Variants in TUT7 observed in about 807,000 individuals in gnomAD.
TUT7 encodes terminal uridylyl transferase 7, also known as terminal uridylyltransferase 7.
Under a neutral mutation model 165.9 loss-of-function variants are expected in TUT7, and 33 were observed. The observed-to-expected ratio is 0.20, with a 90% CI of 0.15 to 0.27. The LOEUF is 0.27. Among genes scored for constraint, TUT7 ranks in the 10% least tolerant of loss-of-function variants. TUT7 has a pLI of 1.00. For synonymous variants in TUT7, 552 were observed against 608.1 expected, an observed-to-expected ratio of 0.91 and a Z score of 1.36; for missense variants, 1,338 against 1,762.3, an observed-to-expected ratio of 0.76 and a Z score of 4.31.
At chr9:86,337,288 T>G (rs916502222) in intron 10 of TUT7, 131 bp downstream of exon 10, 1 of 1,027,198 alleles carries the variant, frequency 9.7e-7, no homozygotes, top group East Asian at 2.5e-5. Flanking sequence ...GGTATGAATA[T>G]TCACATGAGT....
intron 2 of TUT7, among the ~76,000 whole-genome samples, chr9:86,352,223 A>G (rs1352167106): frequency 6.6e-6 from 1 of 152,188 alleles, no homozygotes; most frequent in African/African-American, 2.4e-5. Flanking sequence ...AGATATACGC[A>G]GTGTATACTG....
chr9:86,344,877 C>T (rs771550833), intron 5 of TUT7, 100 bp downstream of exon 5: 4 of 1,155,130 alleles, frequency 3.5e-6, no homozygotes, highest in Admixed American at 2.9e-5. Flanking sequence ...AGCTTCATGA[C>T]ATGGTAAATA....
intron 25 of TUT7, 117 bp from the exon 26 acceptor site, chr9:86,301,718 T>C: frequency 6.7e-7 from 1 of 1,491,738 alleles, no homozygotes; most frequent in Admixed American, 2.4e-5. Flanking sequence ...GAATAGAAAG[T>C]ATTAAAAGGA....
intron 13 of TUT7, 36 bp downstream of exon 13, chr9:86,322,837 T>C: frequency 1.3e-6 from 2 of 1,529,264 alleles, no homozygotes; most frequent in Non-Finnish European, 1.7e-6. Flanking sequence ...GTCCTTAAAG[T>C]CTCCTAGTTC....
chr9:86,301,766 A>C (rs1260299944), intron 25 of TUT7, 165 bp from the exon 26 acceptor site: 1 of 985,284 alleles, frequency 1.0e-6, no homozygotes, highest in African/African-American at 1.7e-5. Flanking sequence ...CTTCTCTGTT[A>C]AGATGCTCCC....
At chr9:86,317,315 G>T (rs1374909406) in intron 16 of TUT7, 39 bp from the exon 17 acceptor site, 1 of 1,547,062 alleles carries the variant, frequency 6.5e-7, no homozygotes, top group Non-Finnish European at 8.9e-7. Context: ...ACCAAAACTG[G>T]AAGACAGGTT....
chr9:86,335,248 G>A (rs984478998), intron 10 of TUT7, among the ~76,000 whole-genome samples: 4 of 152,290 alleles, frequency 2.6e-5, no homozygotes, highest in South Asian at 4.1e-4. Flanking sequence ...GAGTCCCAGT[G>A]CTGGTAAACT....
At position 86,308,706 on chromosome 9, in the gene TUT7, TTAAC is replaced by T. The variant is rs1164963766; in HGVS notation, c.3661-104_3661-101del. 3.0e-6 allele frequency: 3 copies of T among 1,008,336 alleles called. No individual in the cohort carries two copies. The African/African-American group carries it at 5.0e-5, about 17-fold the overall frequency. 62.5% of individuals were successfully genotyped at this position (1,008,336 alleles called of 1,614,324 possible). ...GGAGTAAATTTGGATTTATTTCTAATTAACTAGAGCTCAATTATGCAACTTTTCT... is the reference window on the plus strand; with the variant it reads ...GGAGTAAATTTGGATTTATTTCTAATTAGAGCTCAATTATGCAACTTTTCT... On this transcript the variant is annotated intron_variant, in intron 21 of 26. Coordinates refer to ENST00000375963, the MANE Select transcript of TUT7 (RefSeq NM_024617.4).
intron 26 of TUT7, among the ~76,000 whole-genome samples, chr9:86,291,297 C>T (rs1825875938): frequency 6.6e-6 from 1 of 151,940 alleles, no homozygotes; most frequent in South Asian, 2.1e-4. Flanking sequence ...GGCCAATAAA[C>T]ATGTAAAAAG....
At position 86,344,504 on chromosome 9, in the gene TUT7, C is replaced by T. The variant is rs142521131; in HGVS notation, c.997+473G>A. On this transcript the variant is annotated intron_variant, in intron 5 of 26. Transcript: ENST00000375963. ...CTTGGAAAATCAATTCAACAGTGCA[C>T]AAAATCCAATACAAATTTCTTAAAA... Among the ~76,000 whole-genome samples the T allele has an allele frequency of 5.9e-3, 900 of 151,474 alleles. 20 individuals are homozygous for T. Among genetic ancestry groups the T allele is most frequent in the East Asian group, 0.051 (261 of 5,162 alleles).
chr9:86,303,988 TA>T (rs746517070), intron 24 of TUT7, among the ~76,000 whole-genome samples: 9 of 152,110 alleles, frequency 5.9e-5, no homozygotes, highest in Non-Finnish European at 1.0e-4. Flanking sequence ...ACAGAGGGAA[TA>T]GGGGGTTGCT....
rs538373086 is a variant in TUT7, at chr9:86,321,711, C to T, written c.3028+614G>A. ...GCCACTGCATTCCAGCCTGGGGGAC[C>T]GAGCAAGACCCTGTCTCACCATCAC... is the stretch of plus-strand genomic sequence containing the variant. On this transcript the variant is annotated intron_variant, in intron 14 of 26. Coordinates refer to ENST00000375963, the MANE Select transcript of TUT7 (RefSeq NM_024617.4). 4.6e-5 allele frequency among the ~76,000 whole-genome samples: 7 copies of T among 152,036 alleles called. No individual in the cohort carries two copies. In the South Asian group the frequency reaches 8.3e-4, roughly 18 times the overall value.
intron 14 of TUT7, 84 bp downstream of exon 14, chr9:86,322,241 A>T (rs1247652910): frequency 2.3e-6 from 3 of 1,288,166 alleles, no homozygotes; most frequent in Non-Finnish European, 3.3e-6. Context: ...ATGTTTAGAG[A>T]CCTAAATAGG....
intron 26 of TUT7, among the ~76,000 whole-genome samples, chr9:86,298,418 T>C (rs1349136901): frequency 6.6e-6 from 1 of 152,156 alleles, no homozygotes; most frequent in Non-Finnish European, 1.5e-5. Context: ...TTCCTTACTT[T>C]GTGTGTGGCA....
intron 26 of TUT7, among the ~76,000 whole-genome samples, chr9:86,290,769 G>A (rs1340282277): frequency 6.6e-6 from 1 of 151,896 alleles, no homozygotes; most frequent in Non-Finnish European, 1.5e-5. Flanking sequence ...GCTGAGGCAG[G>A]AGAATTGCTC....
chr9:86,301,020 C>T (rs1005056166), intron 26 of TUT7, among the ~76,000 whole-genome samples: 1 of 152,200 alleles, frequency 6.6e-6, no homozygotes, highest in Non-Finnish European at 1.5e-5. Context: ...GGGATGATTA[C>T]ACTTTCACCT....
rs371448305 is a variant in TUT7 at position 86,323,326 on chromosome 9, G to T, written c.2424C>A (p.Asn808Lys). The T allele has an allele frequency of 2.2e-5, 35 of 1,613,950 alleles. No homozygotes were observed. The highest frequency in any genetic ancestry group is 3.0e-5 in the Non-Finnish European group (35 of 1,180,012). ...KECEGLATLD[N>K]KADLDGESTE... ...TACTTTCTCCATCAAGATCAGCCTT[G>T]TTATCTAAAGTGGCAAGTCCCTCAC... Residue 808 changes from asparagine (N) to lysine (K), a missense_variant, in exon 13 of 27, where the codon AAC becomes AAA. By Grantham distance (94) the Asn-to-Lys change is moderately conservative (BLOSUM62 0). Transcript: ENST00000375963.
chr9:86,333,356 G>A (rs1391224095), intron 10 of TUT7, among the ~76,000 whole-genome samples: 1 of 151,904 alleles, frequency 6.6e-6, no homozygotes, highest in African/African-American at 2.4e-5. Flanking sequence ...TCTCCTCTTG[G>A]TATTCCCATT....
chr9:86,322,220 G>T, intron 14 of TUT7, 105 bp downstream of exon 14: 2 of 1,001,394 alleles, frequency 2.0e-6, no homozygotes, highest in Non-Finnish European at 3.0e-6. Context: ...GAATAGACTT[G>T]GTCCCTAATA....
Sources: allele counts gnomAD v4.1 joint callset (sites outside exome capture counted in the v4.1 genomes callset), GRCh38; gene constraint gnomAD v4.1.1; transcripts MANE v1.5; gene names NCBI Gene and HGNC (gene_info 2026-07-23, HGNC 2026-07-21).